The following SETD2 variants were observed in gnomAD, a reference collection of about 807,000 sequenced individuals.
SETD2 encodes SET domain containing 2, histone lysine methyltransferase.
In SETD2, 31 loss-of-function variants were observed where a neutral mutation model predicts 242.1. The observed-to-expected ratio is 0.13, with a 90% CI of 0.10 to 0.17. SETD2 has a LOEUF of 0.17. SETD2 is among the 10% of genes least tolerant of loss of function. The probability of loss-of-function intolerance (pLI) is 1.00; values close to 1 mark genes in which losing one functional copy is unlikely to be tolerated. For missense variants in SETD2, 2,481 were observed against 3,046.3 expected (o/e 0.81, Z 4.37); for synonymous variants, 1,006 against 1,066.5 (o/e 0.94, Z 1.11).
chr3:47,120,307 T>C lies in SETD2; in HGVS notation c.4329A>G (p.Ala1443=). ...QGETSVPPGS[A]LVGPSCVMDD... ...CCATGACACAGGAGGGCCCAACCAG[T>C]GCTGAACCTGGGGGCACTGATGTCT... The change falls in exon 3 of 21, where the codon GCA becomes GCG. Residue 1443 remains alanine, a synonymous_variant. Coordinates refer to ENST00000409792, the MANE Select transcript of SETD2 (RefSeq NM_014159.7). The C allele has an allele frequency of 6.2e-7, 1 of 1,614,020 alleles. No individual in the cohort carries two copies.
intron 16 of SETD2, among the ~76,000 whole-genome samples, chr3:47,046,045 A>G (rs937614470): frequency 3.3e-5 from 5 of 152,038 alleles, no homozygotes; most frequent in Non-Finnish European, 7.4e-5. Flanking sequence ...ACACAAATTT[A>G]AAAACGGGCC....
intron 5 of SETD2, among the ~76,000 whole-genome samples, chr3:47,112,668 C>T (rs62246441): frequency 1.3e-5 from 2 of 152,152 alleles, no homozygotes; most frequent in Non-Finnish European, 2.9e-5. Context: ...CGGCTCACTG[C>T]AACCTCCACC....
At chr3:47,091,881 G>A (rs1277399477) in intron 9 of SETD2, among the ~76,000 whole-genome samples, 1 of 152,010 alleles carries the variant, frequency 6.6e-6, no homozygotes, top group Non-Finnish European at 1.5e-5. Context: ...GGAGGCGGAG[G>A]TTGCAATGAG....
chr3:47,019,937 G>A (rs1048490973), intron 18 of SETD2, 97 bp from the exon 19 acceptor site: 26 of 1,010,714 alleles, frequency 2.6e-5, no homozygotes, highest in Admixed American at 1.3e-4. Flanking sequence ...CCCTAGCAGG[G>A]ATACCTGATT....
At chr3:47,106,208 T>TAAATACTGCA in intron 5 of SETD2, 88 bp from the exon 6 acceptor site, 1 of 1,133,062 alleles carries the variant, frequency 8.8e-7, no homozygotes, top group Non-Finnish European at 1.3e-6. Flanking sequence ...GGAATTTAAA[T>TAAATACTGCA]AAATACTGCA....
intron 10 of SETD2, among the ~76,000 whole-genome samples, chr3:47,087,647 T>C (rs2041620359): frequency 6.6e-6 from 1 of 152,076 alleles, no homozygotes; most frequent in Admixed American, 6.6e-5. Flanking sequence ...GCTTTGAAAG[T>C]CATACACAAC....
At chr3:47,107,723 G>C (rs7427379) in intron 5 of SETD2, among the ~76,000 whole-genome samples, 1,578 of 21,836 alleles carry the variant, frequency 0.072, 51 homozygotes, top group African/African-American at 0.25. Context: ...TGGGTGGCGG[G>C]GGGGGGTGGG....
chr3:47,127,875 TA>T (rs1300613300), intron 1 of SETD2, among the ~76,000 whole-genome samples: 2 of 152,010 alleles, frequency 1.3e-5, no homozygotes, highest in Non-Finnish European at 2.9e-5. Context: ...AAATAATTTT[TA>T]AAAGGAAGGC....
At chr3:47,091,344 T>C (rs2041795817) in intron 9 of SETD2, among the ~76,000 whole-genome samples, 1 of 152,190 alleles carries the variant, frequency 6.6e-6, no homozygotes, top group Non-Finnish European at 1.5e-5. Flanking sequence ...TGAGATATTT[T>C]CAGCCAGACA....
chr3:47,098,409 T>G (rs1171466396), intron 8 of SETD2: 2 of 188,220 alleles, frequency 1.1e-5, no homozygotes, highest in Admixed American at 1.1e-4. Flanking sequence ...CTTAAATAGT[T>G]CAGAGAACTA....
Position 47,083,838 on chromosome 3 carries a change from T to C in SETD2, c.5942A>G (p.Gln1981Arg), listed in dbSNP as rs189529024. The C allele has an allele frequency of 5.0e-6, 8 of 1,614,110 alleles. No homozygotes were observed. The Admixed American group carries it at 1.3e-4, about 27-fold the overall frequency. The part of the protein sequence containing the change: ...EEPINEETPS[Q>R]DEEEGVSDVE... Reference sequence around the variant, plus strand: ...ATCAGACACACCCTCCTCTTCATCTTGGGATGGTGTTTCTTCATTAATAGG... The same window carrying C: ...ATCAGACACACCCTCCTCTTCATCTCGGGATGGTGTTTCTTCATTAATAGG... The change falls in exon 12 of 21, where the codon CAA (glutamine) becomes CGA (arginine). Residue 1981 changes from glutamine to arginine, a missense_variant. Physicochemically the swap from Gln to Arg is conservative, Grantham distance 43. This residue lies in a region of SETD2 where 203 missense variants were observed against 222.4 expected (regional missense o/e 0.91). Coordinates refer to ENST00000409792, the MANE Select transcript of SETD2 (RefSeq NM_014159.7).
chr3:47,106,610 G>A (rs1473373618), intron 5 of SETD2, among the ~76,000 whole-genome samples: 2 of 148,158 alleles, frequency 1.3e-5, no homozygotes, highest in Non-Finnish European at 3.0e-5. Flanking sequence ...TCACAAGTTC[G>A]AGACCAGCCT....
At chr3:47,081,185 AT>A in intron 12 of SETD2, 1 of 596,660 alleles carries the variant, frequency 1.7e-6, no homozygotes, top group African/African-American at 2.0e-5. Context: ...ACCCTCTTTC[AT>A]TTACTGATGA....
intron 12 of SETD2, among the ~76,000 whole-genome samples, chr3:47,083,484 T>C (rs1298000543): frequency 6.6e-6 from 1 of 152,240 alleles, no homozygotes; most frequent in Non-Finnish European, 1.5e-5. Context: ...AACTCACTAT[T>C]GTGATGTACT....
At chr3:47,062,401 A>C (rs2107590589) in intron 13 of SETD2, 55 bp from the exon 14 acceptor site, 1 of 1,462,426 alleles carries the variant, frequency 6.8e-7, no homozygotes, top group Non-Finnish European at 9.3e-7. Flanking sequence ...TATTTGGTGG[A>C]CTTTTCTCCA....
At chr3:47,102,232 T>C (rs1481475465) in intron 7 of SETD2, among the ~76,000 whole-genome samples, 1 of 152,190 alleles carries the variant, frequency 6.6e-6, no homozygotes, top group African/African-American at 2.4e-5. Context: ...TTGCAGAGAT[T>C]AAGGGACACT....
chr3:47,114,271 G>A (rs190352534), intron 4 of SETD2, among the ~76,000 whole-genome samples: 1 of 152,180 alleles, frequency 6.6e-6, no homozygotes, highest in East Asian at 1.9e-4. Flanking sequence ...CACTCCCTAG[G>A]TGTCTAGAAT....
chr3:47,034,273 C>G (rs1478593121), intron 18 of SETD2, among the ~76,000 whole-genome samples: 1 of 152,242 alleles, frequency 6.6e-6, no homozygotes, highest in East Asian at 1.9e-4. Flanking sequence ...TACTCTATAA[C>G]CCCCCGAGGC....
Position 47,037,639 on chromosome 3 carries a change from G to C in SETD2, c.7350+27C>G. 6 of 1,553,384 alleles carry C rather than the reference G, an allele frequency of 3.9e-6. No individual in the cohort carries two copies. The South Asian group carries it at 6.7e-5, about 17-fold the overall frequency. The stretch of plus-strand genomic sequence containing the variant: ...TCTTGGACGGACTCCCAAATGATCA[G>C]GAAATACATGTGTAAGCCACACTCA... On this transcript the variant is annotated intron_variant, in intron 18 of 20. Transcript: ENST00000409792.
Sources: gnomAD v4.1 joint callset for allele counts (sites outside exome capture counted in the v4.1 genomes callset) on GRCh38, gnomAD v4.1.1 for gene constraint, gnomAD v4.1.1 regional missense constraint, MANE v1.5 for transcripts, NCBI Gene and HGNC (gene_info 2026-07-23, HGNC 2026-07-21) for gene names.